EBF2: variants seen among roughly 807,000 people sequenced by gnomAD.
EBF2 encodes the protein EBF transcription factor 2.
In EBF2, 21 loss-of-function variants were observed where a neutral mutation model predicts 72.8. The ratio of observed to expected loss-of-function variants is 0.29; its 90% confidence interval spans 0.20 to 0.42. The LOEUF (loss-of-function observed/expected upper bound fraction) is 0.42, where lower values mean the gene tolerates loss of function less well. EBF2 is among the 10% of genes least tolerant of loss of function. The probability of loss-of-function intolerance (pLI) is 1.00; values close to 1 mark genes in which losing one functional copy is unlikely to be tolerated. For synonymous variants in EBF2, 299 were observed against 274.2 expected (o/e 1.09, Z -0.89); for missense variants, 637 against 731.2 (o/e 0.87, Z 1.49).
chr8:26,006,787 T>C (rs1434976908), intron 6 of EBF2, among the ~76,000 whole-genome samples: 1 of 152,204 alleles, frequency 6.6e-6, no homozygotes, highest in Non-Finnish European at 1.5e-5. Context: ...TCTGTGTTAT[T>C]CCTCTTCAGA....
chr8:26,026,481 T>G (rs973810348), intron 6 of EBF2, among the ~76,000 whole-genome samples: 2 of 152,172 alleles, frequency 1.3e-5, no homozygotes, highest in African/African-American at 2.4e-5. Flanking sequence ...TAACATTAGA[T>G]AGCTAACTAG....
chr8:25,987,451 A>G (rs868677398), intron 6 of EBF2, among the ~76,000 whole-genome samples: 1 of 152,060 alleles, frequency 6.6e-6, no homozygotes, highest in Non-Finnish European at 1.5e-5. Context: ...TCATCACTCT[A>G]TGGCTGGCTC....
intron 15 of EBF2, 143 bp from the exon 16 acceptor site, chr8:25,844,783 G>A (rs1801799008): frequency 9.7e-7 from 1 of 1,029,724 alleles, no homozygotes; most frequent in Non-Finnish European, 1.5e-6. Context: ...ATGAGGACCT[G>A]TTCTCCAGGT....
chr8:25,976,150 T>C (rs1489900525), intron 6 of EBF2, among the ~76,000 whole-genome samples: 2 of 152,242 alleles, frequency 1.3e-5, no homozygotes, highest in African/African-American at 2.4e-5. Context: ...TTCAACTCTC[T>C]TGCATCATGC....
chr8:25,912,568 C>A (rs553614307), intron 6 of EBF2, among the ~76,000 whole-genome samples: 1 of 150,258 alleles, frequency 6.7e-6, no homozygotes, highest in Non-Finnish European at 1.5e-5. Flanking sequence ...CTGCAGTGTC[C>A]CAAGTTGAAA....
chr8:26,032,895 C>T lies in EBF2; in HGVS notation c.551+190G>A, dbSNP rs140515514. ...AGACTCCACCACAGATTTAGAGACA[C>T]GTGTTCCAAAGGAAGATTCTGGCTT... On this transcript the variant is annotated intron_variant, in intron 6 of 15. Coordinates refer to ENST00000520164, the MANE Select transcript of EBF2 (RefSeq NM_022659.4). 88 of 587,630 alleles carry T rather than the reference C, an allele frequency of 1.5e-4. No individual in the cohort carries two copies. The East Asian group carries it at 1.9e-3, about 13-fold the overall frequency. 36.4% of individuals were successfully genotyped at this position (587,630 alleles called of 1,614,324 possible). A position where few individuals can be genotyped will look rare whatever the true frequency, so the allele number is the denominator to read the frequency against.
At chr8:25,956,926 G>A (rs960868924) in intron 6 of EBF2, among the ~76,000 whole-genome samples, 1 of 152,168 alleles carries the variant, frequency 6.6e-6, no homozygotes, top group Admixed American at 6.5e-5. Flanking sequence ...TGTCCCCAAG[G>A]AAACACCGCT....
chr8:26,044,815 T>G lies in EBF2; in HGVS notation c.45A>C (p.Lys15Asn). ...QDTLGRGPTL[K>N]EKSLGAEMDS... ...CCATCTCCGCGCCCAGCGATTTCTC[T>G]TTCAGAGTTGGTCCTCTTCCTAAAG... The change falls in exon 1 of 16, where the codon AAA becomes AAC. Residue 15 changes from lysine (K) to asparagine (N), a missense_variant. Transcript: ENST00000520164. The surrounding 1 kb of genome is among the most constrained non-coding windows in gnomAD (Gnocchi z 4.1). 1 of 1,614,166 alleles carries G rather than the reference T, an allele frequency of 6.2e-7. No homozygotes were observed.
At chr8:25,942,936 T>G (rs2117159147) in intron 6 of EBF2, among the ~76,000 whole-genome samples, 3 of 152,264 alleles carry the variant, frequency 2.0e-5, no homozygotes, top group African/African-American at 7.2e-5. Context: ...TGGTGCATGG[T>G]CTACCTCAGT....
chr8:25,991,176 C>T (rs1804539883), intron 6 of EBF2, among the ~76,000 whole-genome samples: 1 of 152,148 alleles, frequency 6.6e-6, no homozygotes, highest in Non-Finnish European at 1.5e-5. Flanking sequence ...CCTCAGCATT[C>T]TCTTCCAATA....
At chr8:25,928,657 A>C (rs940794235) in intron 6 of EBF2, among the ~76,000 whole-genome samples, 7 of 152,236 alleles carry the variant, frequency 4.6e-5, no homozygotes, top group Admixed American at 2.6e-4. Context: ...TTTTATGTGA[A>C]TTCAGAGTTT....
chr8:25,873,935 G>A (rs12548478), intron 10 of EBF2, among the ~76,000 whole-genome samples: 2,489 of 152,200 alleles, frequency 0.016, 124 homozygotes, highest in Admixed American at 0.095. Flanking sequence ...GCTAACAACG[G>A]AGACATCATT....
At chr8:25,918,166 C>T (rs895062928) in intron 6 of EBF2, among the ~76,000 whole-genome samples, 1 of 152,172 alleles carries the variant, frequency 6.6e-6, no homozygotes, top group African/African-American at 2.4e-5. Context: ...GTGGGCTTCT[C>T]CTGGCATCAT....
intron 6 of EBF2, among the ~76,000 whole-genome samples, chr8:25,915,791 A>G (rs1413135652): frequency 1.3e-5 from 2 of 152,148 alleles, no homozygotes; most frequent in Admixed American, 1.3e-4. Flanking sequence ...CATTTACCCA[A>G]GGGACAGAGC....
intron 6 of EBF2, among the ~76,000 whole-genome samples, chr8:25,964,234 T>C (rs1804079869): frequency 6.6e-6 from 1 of 150,468 alleles, no homozygotes; most frequent in Non-Finnish European, 1.5e-5. Context: ...TCGGTGAGTG[T>C]CTGCAAAGAG....
rs201388901 is a variant in EBF2 at position 25,908,590 on chromosome 8, T to A, written c.552-35A>T. ...GAAAGCGATGTGTTACATTTTTCAG[T>A]AAACATTTTTAAAGGGAGAATATAG... On this transcript the variant is annotated intron_variant, in intron 6 of 15. Coordinates refer to ENST00000520164, the MANE Select transcript of EBF2 (RefSeq NM_022659.4). 2.8e-5 allele frequency: 38 copies of A among 1,357,748 alleles called. No individual in the cohort carries two copies. In the Admixed American group the frequency reaches 4.4e-4, roughly 16 times the overall value. The allele number at this position is 1,357,748 out of a possible 1,614,324, so 84.1% of individuals were successfully genotyped here. A position where few individuals can be genotyped will look rare whatever the true frequency, so the allele number is the denominator to read the frequency against.
intron 7 of EBF2, among the ~76,000 whole-genome samples, chr8:25,895,426 G>A (rs1045641058): frequency 5.3e-5 from 8 of 152,106 alleles, no homozygotes; most frequent in African/African-American, 1.2e-4. Flanking sequence ...GGAGAGTGAC[G>A]GTGGTAGGTT....
At chr8:25,854,240 A>G (rs1028211587) in intron 14 of EBF2, among the ~76,000 whole-genome samples, 8 of 132,730 alleles carry the variant, frequency 6.0e-5, no homozygotes, top group Non-Finnish European at 1.3e-4. Flanking sequence ...CCCACCTCCA[A>G]AAAAAAAAAA....
At chr8:25,871,006 T>G (rs142209856) in intron 10 of EBF2, among the ~76,000 whole-genome samples, 1 of 152,294 alleles carries the variant, frequency 6.6e-6, no homozygotes, top group African/African-American at 2.4e-5. Flanking sequence ...AAGCTGAAAG[T>G]ACTCCAGCTC....
Sources: gnomAD v4.1 joint callset for allele counts (sites outside exome capture counted in the v4.1 genomes callset) on GRCh38, gnomAD v4.1.1 for gene constraint, Gnocchi (gnomAD v3.1) non-coding constraint, MANE v1.5 for transcripts, NCBI Gene and HGNC (gene_info 2026-07-23, HGNC 2026-07-21) for gene names.